Variants in PSEN2 observed in about 807,000 individuals in gnomAD.
PSEN2 encodes presenilin-2.
Under a neutral mutation model 49.1 loss-of-function variants are expected in PSEN2, and 32 were observed. The ratio of observed to expected loss-of-function variants is 0.65; its 90% CI spans 0.49 to 0.88. The LOEUF (loss-of-function observed/expected upper bound fraction) is 0.88. Among genes scored for constraint, PSEN2 ranks in the 40% least tolerant of loss-of-function variants. PSEN2 has a pLI of 0.00. For missense variants in PSEN2, 522 were observed against 586.9 expected (o/e 0.89, Z 1.14); for synonymous variants, 255 against 244.0 (o/e 1.05, Z -0.42).
chr1:226,882,723 T>C (rs1661079975), intron 4 of PSEN2, among the ~76,000 whole-genome samples: 1 of 152,196 alleles, frequency 6.6e-6, no homozygotes, highest in African/African-American at 2.4e-5. Flanking sequence ...AGCTCACTTC[T>C]CCATGTTCTC....
At chr1:226,898,816 G>C (rs1313689114), downstream of PSEN2, 1 of 152,024 alleles carries the variant, frequency 6.6e-6, no homozygotes, top group African/African-American at 2.4e-5. Flanking sequence ...GGGTTTCACC[G>C]TGTTAGCCAG....
chr1:226,895,817 T>G lies in PSEN2; in HGVS notation c.*238T>G, dbSNP rs200615414. 1.7e-6 allele frequency: 1 copy of G among 574,186 alleles called. No homozygotes were observed. The highest frequency in any genetic ancestry group is 1.9e-5 in the African/African-American group (1 of 53,256). 35.6% of individuals were successfully genotyped at this position (574,186 alleles called of 1,614,324 possible). A position where few individuals can be genotyped will look rare whatever the true frequency, so the allele number is the denominator to read the frequency against. ...TCACGGACAGGAAGCACAGCAGGTTTATCCAGATGAACTGAGAAGGTCAGA... is the reference window on the plus strand; with the variant it reads ...TCACGGACAGGAAGCACAGCAGGTTGATCCAGATGAACTGAGAAGGTCAGA... On this transcript the variant is annotated 3_prime_UTR_variant, in exon 13 of 13. Transcript: ENST00000366783.
chr1:226,880,982 C>T (rs1268518895), intron 3 of PSEN2, among the ~76,000 whole-genome samples: 1 of 152,216 alleles, frequency 6.6e-6, no homozygotes, highest in Non-Finnish European at 1.5e-5. Flanking sequence ...CATGGTCTTT[C>T]CCGAGACTCT....
rs1482700096 is a variant in PSEN2, at chr1:226,888,079, T to C, written c.499-12T>C. On this transcript the variant is annotated splice_polypyrimidine_tract_variant and intron_variant, in intron 6 of 12. Coordinates refer to ENST00000366783, the MANE Select transcript of PSEN2 (RefSeq NM_000447.3). Reference sequence around the variant, plus strand: ...GGGGACACCTTGTGATCGTGCAATTTCTGTTGTCTAGTTCATCCATGGCTG... The same window carrying C: ...GGGGACACCTTGTGATCGTGCAATTCCTGTTGTCTAGTTCATCCATGGCTG... The C allele has an allele frequency of 6.2e-7, 1 of 1,611,658 alleles. No homozygotes were observed. The highest frequency in any genetic ancestry group is 8.5e-7 in the Non-Finnish European group (1 of 1,177,776).
At chr1:226,902,304 C>G (rs1036441465) in intron 12 of PSEN2, among the ~76,000 whole-genome samples, 1 of 152,132 alleles carries the variant, frequency 6.6e-6, no homozygotes, top group Non-Finnish European at 1.5e-5. Flanking sequence ...CACCGCTTAC[C>G]ACCTGCTGTG....
At chr1:226,874,803 C>A (rs1038376446) in intron 2 of PSEN2, among the ~76,000 whole-genome samples, 2 of 152,228 alleles carry the variant, frequency 1.3e-5, no homozygotes, top group Non-Finnish European at 2.9e-5. Flanking sequence ...CTGTCTGAGG[C>A]CTCTTGGCCA....
chr1:226,900,316 A>G (rs999097804), downstream of PSEN2, among the ~76,000 whole-genome samples: 5 of 152,146 alleles, frequency 3.3e-5, no homozygotes, highest in African/African-American at 1.2e-4. Flanking sequence ...AATGCCTGCG[A>G]GTGGCTTAGA....
chr1:226,882,031 G>A lies in PSEN2; in HGVS notation c.124G>A (p.Glu42Lys). 2 of 1,614,134 alleles carry A rather than the reference G, an allele frequency of 1.2e-6. No individual in the cohort carries two copies. Among genetic ancestry groups the A allele is most frequent in the Non-Finnish European group, 1.7e-6 (2 of 1,180,052 alleles). ...GGGCAGGCAGGGCCCAGAGGATGGA[G>A]AGAACACTGCCCAGTGGGTAGGTCC... ...QEGRQGPEDG[E>K]NTAQWRSQEN... Residue 42 changes from glutamate to lysine, a missense_variant, in exon 4 of 13, where the codon GAG becomes AAG. Transcript: ENST00000366783.
intron 3 of PSEN2, among the ~76,000 whole-genome samples, chr1:226,879,216 A>G (rs1298341949): frequency 2.6e-5 from 4 of 152,170 alleles, no homozygotes; most frequent in South Asian, 2.1e-4. Context: ...TCTCATTTCC[A>G]TAGATGATGA....
rs1343351444 is a variant in PSEN2, at chr1:226,888,136, C to T, written c.544C>T (p.Leu182Phe). The stretch of plus-strand genomic sequence containing the variant: ...CATGTCTTCACTGATGCTGCTGTTC[C>T]TCTTCACCTATATCTACCTTGGGTA... ...LIMSSLMLLF[L>F]FTYIYLGEVL... Residue 182 changes from leucine to phenylalanine, a missense_variant, in exon 7 of 13, where the codon CTC becomes TTC. By Grantham distance (22) the Leu-to-Phe change is conservative. Transcript: ENST00000366783. The T allele has an allele frequency of 1.2e-6, 2 of 1,613,652 alleles. No individual in the cohort carries two copies. The highest frequency in any genetic ancestry group is 1.7e-6 in the Non-Finnish European group (2 of 1,179,580).
At chr1:226,899,995 A>G (rs936384211), downstream of PSEN2, among the ~76,000 whole-genome samples, 2 of 152,236 alleles carry the variant, frequency 1.3e-5, no homozygotes, top group Non-Finnish European at 2.9e-5. Flanking sequence ...TCAAGTGGCC[A>G]TATATCCACC....
At chr1:226,884,566 T>G (rs12401969) in intron 5 of PSEN2, 1 of 150,248 alleles carries the variant, frequency 6.7e-6, no homozygotes, top group Non-Finnish European at 1.5e-5. Context: ...AAGTTAGGGA[T>G]TTTTGTTTCA....
downstream of PSEN2, chr1:226,899,509 G>A (rs752458557): frequency 1.3e-5 from 2 of 152,270 alleles, no homozygotes; most frequent in Non-Finnish European, 2.9e-5. Flanking sequence ...AGGAGAAGAT[G>A]GGGCCTGTCC....
downstream of PSEN2, chr1:226,899,640 A>G (rs1662249475): frequency 6.6e-6 from 1 of 152,260 alleles, no homozygotes; most frequent in Non-Finnish European, 1.5e-5. Context: ...GGTGGGAGTC[A>G]GTAAGGGTTA....
chr1:226,890,300 A>T (rs1461760640), intron 9 of PSEN2, among the ~76,000 whole-genome samples, 167 bp downstream of exon 9: 3 of 152,188 alleles, frequency 2.0e-5, no homozygotes, highest in Non-Finnish European at 4.4e-5. Flanking sequence ...ACACAGTAAG[A>T]AGCTTAGAAA....
chr1:226,883,683 C>T (rs545470666), intron 4 of PSEN2, 22 bp from the exon 5 acceptor site: 7 of 1,611,462 alleles, frequency 4.3e-6, no homozygotes, highest in African/African-American at 1.3e-5. Context: ...TTCTGCGGCC[C>T]TCACGATGTG....
intron 6 of PSEN2, among the ~76,000 whole-genome samples, chr1:226,886,236 C>G (rs1661356667): frequency 6.6e-6 from 1 of 152,204 alleles, no homozygotes; most frequent in Admixed American, 6.5e-5. Context: ...CATCATTTCT[C>G]ATATTTCAAA....
At chr1:226,878,584 G>C (rs1003058070) in intron 3 of PSEN2, among the ~76,000 whole-genome samples, 3 of 152,148 alleles carry the variant, frequency 2.0e-5, no homozygotes, top group Non-Finnish European at 1.5e-5. Context: ...AGCTGTTGTG[G>C]GTCTGAAGGG....
At position 226,888,915 on chromosome 1, in the gene PSEN2, G is replaced by A. The variant is rs1418449389; in HGVS notation, c.653G>A (p.Cys218Tyr). The A allele has an allele frequency of 6.2e-7, 1 of 1,614,044 alleles. No homozygotes were observed. The highest frequency in any genetic ancestry group is 1.7e-5 in the Admixed American group (1 of 59,998). Reference sequence around the variant, plus strand: ...AACTTCGGGGCAGTGGGCATGGTGTGCATCCACTGGAAGGGCCCTCTGGTG... The same window carrying A: ...AACTTCGGGGCAGTGGGCATGGTGTACATCCACTGGAAGGGCCCTCTGGTG... Reference protein sequence around the residue: ...VWNFGAVGMVCIHWKGPLVLQ... With the variant: ...VWNFGAVGMVYIHWKGPLVLQ... The change falls in exon 8 of 13, where the codon TGC becomes TAC. Residue 218 changes from cysteine to tyrosine, a missense_variant. By Grantham distance (194) the Cys-to-Tyr change is radical. Transcript: ENST00000366783.
Sources: allele counts gnomAD v4.1 joint callset (sites outside exome capture counted in the v4.1 genomes callset), GRCh38; gene constraint gnomAD v4.1.1; transcripts MANE v1.5; gene names NCBI Gene and HGNC (gene_info 2026-07-23, HGNC 2026-07-21).